Variants in IGF1R observed in about 807,000 individuals in gnomAD.
The protein encoded by IGF1R is insulin like growth factor 1 receptor.
Under a neutral mutation model 144.6 loss-of-function variants are expected in IGF1R, and 44 were observed. That is an observed-to-expected ratio of 0.30 (90% CI 0.24 to 0.39). The LOEUF (loss-of-function observed/expected upper bound fraction) is 0.39, where lower values mean the gene tolerates loss of function less well. Among genes scored for constraint, IGF1R ranks in the 10% least tolerant of loss-of-function variants. IGF1R has a pLI of 1.00. For missense variants in IGF1R, 1,355 were observed against 1,833.7 expected, an observed-to-expected ratio of 0.74 and a Z score of 4.77; for synonymous variants, 795 against 722.8, an observed-to-expected ratio of 1.10 and a Z score of -1.60.
At chr15:98,888,416 G>C (rs1390375484) in intron 2 of IGF1R, among the ~76,000 whole-genome samples, 1 of 138,028 alleles carries the variant, frequency 7.2e-6, no homozygotes, top group Non-Finnish European at 1.6e-5. Flanking sequence ...CTTCAAGTGG[G>C]GGTTTGATGA....
chr15:98,719,518 G>A (rs1032854458), intron 2 of IGF1R, among the ~76,000 whole-genome samples: 5 of 152,214 alleles, frequency 3.3e-5, no homozygotes, highest in African/African-American at 1.2e-4. Context: ...GGGTGATGAG[G>A]AGAGATGAAC....
At position 98,957,616 on chromosome 15, in the gene IGF1R, GT is replaced by G. The variant is rs2017058402; in HGVS notation, c.*176del. 1 of 754,512 alleles carries G rather than the reference GT, an allele frequency of 1.3e-6. No homozygotes were observed. The highest frequency in any genetic ancestry group is 1.7e-5 in the African/African-American group (1 of 57,162). The allele number at this position is 754,512 out of a possible 1,614,324, so 46.7% of individuals were successfully genotyped here. A position where few individuals can be genotyped will look rare whatever the true frequency, so the allele number is the denominator to read the frequency against. On this transcript the variant is annotated 3_prime_UTR_variant, in exon 21 of 21. Transcript: ENST00000650285. ...CTCTGCAGTAAAACACATTTGGGAT[GT>G]TCCTTTTTTCAATATGCAAGCAGCT...
At chr15:98,743,037 CAG>C (rs1224985432) in intron 2 of IGF1R, among the ~76,000 whole-genome samples, 1 of 152,162 alleles carries the variant, frequency 6.6e-6, no homozygotes, top group African/African-American at 2.4e-5. Flanking sequence ...CTTAAGGAAA[CAG>C]TGTGTTGTGG....
chr15:98,741,606 G>A (rs1282052581), intron 2 of IGF1R, among the ~76,000 whole-genome samples: 2 of 152,162 alleles, frequency 1.3e-5, no homozygotes, highest in Non-Finnish European at 2.9e-5. Flanking sequence ...ATTTCTGCAC[G>A]TCGGGGAACA....
intron 2 of IGF1R, among the ~76,000 whole-genome samples, chr15:98,710,106 C>T (rs1280885838): frequency 6.6e-6 from 1 of 152,114 alleles, no homozygotes; most frequent in Non-Finnish European, 1.5e-5. Context: ...AGGAAAAGCA[C>T]CGTGAAAATG....
intron 2 of IGF1R, among the ~76,000 whole-genome samples, chr15:98,756,690 GT>G (rs1308025723): frequency 1.3e-5 from 2 of 151,830 alleles, no homozygotes; most frequent in Non-Finnish European, 2.9e-5. Context: ...AGTTTATTAA[GT>G]TGAATGCCTG....
At chr15:98,895,636 T>TAC (rs1365270505) in intron 3 of IGF1R, among the ~76,000 whole-genome samples, 1 of 152,092 alleles carries the variant, frequency 6.6e-6, no homozygotes, top group Non-Finnish European at 1.5e-5. Context: ...AATAGGAAAA[T>TAC]ACCAGAGAAG....
intron 1 of IGF1R, among the ~76,000 whole-genome samples, chr15:98,664,744 C>G (rs2052688750): frequency 6.7e-6 from 1 of 150,360 alleles, no homozygotes; most frequent in Admixed American, 6.6e-5. Context: ...ACCAATACTT[C>G]ATGAGTGAAT....
intron 3 of IGF1R, among the ~76,000 whole-genome samples, chr15:98,896,143 G>A (rs1171038487): frequency 6.6e-6 from 1 of 152,040 alleles, no homozygotes; most frequent in African/African-American, 2.4e-5. Context: ...GCAACATTTG[G>A]ATCAATTTAC....
intron 2 of IGF1R, among the ~76,000 whole-genome samples, chr15:98,877,504 TTTTTTTTTTC>T (rs1308929283): frequency 3.5e-5 from 5 of 143,860 alleles, no homozygotes; most frequent in South Asian, 2.2e-4. Context: ...TTTTTTTTTT[TTTTTTTTTTC>T]CCCAAAAAAT....
intron 2 of IGF1R, among the ~76,000 whole-genome samples, chr15:98,792,407 A>C (rs1018275): frequency 1 from 152,366 of 152,368 alleles, 76,182 homozygotes; most frequent in Middle Eastern, 1. Flanking sequence ...GAGTAAGATT[A>C]ATCTTTGCAA....
chr15:98,740,217 C>T (rs2054706354), intron 2 of IGF1R, among the ~76,000 whole-genome samples: 1 of 152,198 alleles, frequency 6.6e-6, no homozygotes, highest in African/African-American at 2.4e-5. Flanking sequence ...GTTTTGCTTG[C>T]CACGTGGTTT....
chr15:98,778,743 G>A (rs537985658), intron 2 of IGF1R, among the ~76,000 whole-genome samples: 126 of 152,356 alleles, frequency 8.3e-4, no homozygotes, highest in Non-Finnish European at 1.5e-4. Flanking sequence ...CAGGGGCCTT[G>A]TGTCAGCCTG....
intron 2 of IGF1R, among the ~76,000 whole-genome samples, chr15:98,811,060 A>G (rs1277064859): frequency 5.9e-5 from 9 of 151,424 alleles, no homozygotes; most frequent in Non-Finnish European, 7.4e-5. Context: ...CAGCACTTTG[A>G]GAGGCTGAGG....
chr15:98,771,443 A>G (rs534276255), intron 2 of IGF1R, among the ~76,000 whole-genome samples: 1 of 152,194 alleles, frequency 6.6e-6, no homozygotes, highest in Non-Finnish European at 1.5e-5. Context: ...CGATGTGCAG[A>G]TATGTGTGCT....
intron 1 of IGF1R, among the ~76,000 whole-genome samples, chr15:98,672,481 A>G (rs545927174): frequency 6.6e-6 from 1 of 151,788 alleles, no homozygotes; most frequent in East Asian, 1.9e-4. Flanking sequence ...GAGGTGGGAG[A>G]ATCACTTGAA....
intron 4 of IGF1R, 121 bp downstream of exon 4, chr15:98,897,026 G>A (rs1004625406): frequency 1.1e-6 from 1 of 897,794 alleles, no homozygotes; most frequent in Non-Finnish European, 1.8e-6. Flanking sequence ...AACATGGTGT[G>A]TAAGCCTCAC....
chr15:98,661,435 G>A (rs2052595903), intron 1 of IGF1R, among the ~76,000 whole-genome samples: 1 of 152,230 alleles, frequency 6.6e-6, no homozygotes, highest in African/African-American at 2.4e-5. Flanking sequence ...CTTCCGAGGA[G>A]TGGGGTGGGA....
intron 8 of IGF1R, 107 bp from the exon 9 acceptor site, chr15:98,915,857 C>T (rs2015220325): frequency 1.0e-6 from 1 of 976,690 alleles, no homozygotes; most frequent in Non-Finnish European, 1.7e-6. Context: ...TTGTTATTTT[C>T]TTATCCAGGT....
Sources: allele counts gnomAD v4.1 joint callset (sites outside exome capture counted in the v4.1 genomes callset), GRCh38; gene constraint gnomAD v4.1.1; transcripts MANE v1.5; gene names NCBI Gene and HGNC (gene_info 2026-07-23, HGNC 2026-07-21).